Variants in RABEPK observed in about 807,000 individuals in gnomAD.
RABEPK encodes the protein 40 kDa Rab9 effector protein.
In RABEPK, 27 loss-of-function variants were observed where a neutral mutation model predicts 34.1. The ratio of observed to expected loss-of-function variants is 0.79; its 90% confidence interval spans 0.58 to 1.09. The LOEUF is 1.09. Ranked by LOEUF, RABEPK falls within the 50% of genes least tolerant of loss-of-function variation. RABEPK has a pLI of 0.00. For missense variants in RABEPK, 449 were observed against 462.6 expected (o/e 0.97, Z 0.27); for synonymous variants, 172 against 169.2 (o/e 1.02, Z -0.13).
At chr9:125,216,049 T>C (rs1051407179) in intron 4 of RABEPK, among the ~76,000 whole-genome samples, 9 of 152,130 alleles carry the variant, frequency 5.9e-5, no homozygotes, top group South Asian at 2.1e-4. Flanking sequence ...TCCCAGCACT[T>C]TGGGAGGCTG....
At position 125,207,149 on chromosome 9, in the gene RABEPK, C is replaced by T. The variant is rs1588333344; in HGVS notation, c.54-415C>T. Among the ~76,000 whole-genome samples the T allele has an allele frequency of 1.3e-5, 2 of 151,420 alleles. 1 individual carries two copies. Among genetic ancestry groups the T allele is most frequent in the South Asian group, 4.2e-4 (2 of 4,804 alleles). On this transcript the variant is annotated intron_variant, in intron 2 of 7. Coordinates refer to ENST00000373538, the MANE Select transcript of RABEPK (RefSeq NM_005833.4). The stretch of plus-strand genomic sequence containing the variant: ...TTTCACAAATGAGTAAACTAAAGTT[C>T]AGAAAGGTTAAGTGACTTCCAAAAG...
In RABEPK at chr9:125,234,005, T is replaced by C; in HGVS notation, c.*25T>C. The C allele has an allele frequency of 3.3e-6, 5 of 1,534,348 alleles. No individual in the cohort carries two copies. The highest frequency in any genetic ancestry group is 4.5e-6 in the Non-Finnish European group (5 of 1,117,780). On this transcript the variant is annotated 3_prime_UTR_variant, in exon 8 of 8. Transcript: ENST00000373538. ...ATAAAACCCACATTTTTATTACCTG[T>C]CAGTTACTTTCAGAATAGTTAAGTA...
chr9:125,231,506 A>C (rs372719888), intron 6 of RABEPK, among the ~76,000 whole-genome samples: 75 of 152,030 alleles, frequency 4.9e-4, no homozygotes, highest in African/African-American at 1.7e-3. Flanking sequence ...ATTTGTAAGA[A>C]GAAAGGGGAG....
At position 125,228,073 on chromosome 9, in the gene RABEPK, G is replaced by T; in HGVS notation, c.676+14G>T. On this transcript the variant is annotated intron_variant, in intron 6 of 7. Transcript: ENST00000373538. ...GCATTGATATAAGTAAGCAGGGCAT[G>T]GGGGCTTGTCTGTTTAAAATTGTTA... The T allele has an allele frequency of 3.4e-6, 5 of 1,479,522 alleles. No homozygotes were observed. Among genetic ancestry groups the T allele is most frequent in the Non-Finnish European group, 4.5e-6 (5 of 1,107,418 alleles). 91.6% of individuals were successfully genotyped at this position (1,479,522 alleles called of 1,614,324 possible).
chr9:125,230,642 T>G (rs1832101613), intron 6 of RABEPK, among the ~76,000 whole-genome samples: 2 of 151,400 alleles, frequency 1.3e-5, no homozygotes, highest in Non-Finnish European at 2.9e-5. Context: ...TTCATGCCAT[T>G]CTCCTGCCTC....
intron 4 of RABEPK, among the ~76,000 whole-genome samples, chr9:125,218,827 G>C (rs1394309353): frequency 6.6e-6 from 1 of 152,074 alleles, no homozygotes; most frequent in Non-Finnish European, 1.5e-5. Flanking sequence ...TGCAGGCTCA[G>C]TATATCCTCC....
chr9:125,203,789 T>C (rs550594750), intron 2 of RABEPK, among the ~76,000 whole-genome samples: 26 of 152,092 alleles, frequency 1.7e-4, no homozygotes, highest in Admixed American at 1.3e-3. Flanking sequence ...TCCCAGCACT[T>C]TGGGAGGCCA....
intron 1 of RABEPK, among the ~76,000 whole-genome samples, 193 bp downstream of exon 1, chr9:125,201,099 A>G (rs1829879774): frequency 6.6e-6 from 1 of 152,196 alleles, no homozygotes. Context: ...AAACATTCCA[A>G]ATGATTCCTG....
At chr9:125,213,347 G>C (rs1830708341) in intron 3 of RABEPK, 23 bp from the exon 4 acceptor site, 3 of 1,604,702 alleles carry the variant, frequency 1.9e-6, no homozygotes, top group Admixed American at 1.7e-5. Context: ...CCCAATCTAG[G>C]AACTGGGTGA....
intron 6 of RABEPK, among the ~76,000 whole-genome samples, chr9:125,232,243 C>G (rs1297299662): frequency 9.2e-6 from 1 of 108,608 alleles, no homozygotes; most frequent in African/African-American, 3.1e-5. Context: ...CACACACACA[C>G]ACAGAGACAG....
chr9:125,202,966 AATC>A, intron 1 of RABEPK, 39 bp from the exon 2 acceptor site: 1 of 1,526,122 alleles, frequency 6.6e-7, no homozygotes, highest in Non-Finnish European at 9.1e-7. Flanking sequence ...TTAAGATGAT[AATC>A]ATAAGTGTCT....
Position 125,233,816 on chromosome 9 carries a change from C to G in RABEPK, c.955C>G (p.Leu319Val). ...GAAAGAAGATTCCAACTCTCTCACT[C>G]TGAACCATGAAGCTGAGAAAGAGGA... The part of the protein sequence containing the change: ...SEKEDSNSLT[L>V]NHEAEKEDSA... The change falls in exon 8 of 8, where the codon CTG (leucine) becomes GTG (valine). Residue 319 changes from leucine (L) to valine (V), a missense_variant. Coordinates refer to ENST00000373538, the MANE Select transcript of RABEPK (RefSeq NM_005833.4). 6.2e-7 allele frequency: 1 copy of G among 1,614,164 alleles called. No homozygotes were observed. The highest frequency in any genetic ancestry group is 8.5e-7 in the Non-Finnish European group (1 of 1,180,034).
chr9:125,233,721 C>T lies in RABEPK; in HGVS notation c.860C>T (p.Thr287Ile), dbSNP rs780853354. ...EQHWTLLKFD[T>I]LLPPGRLDHS... Reference sequence around the variant, plus strand: ...CATTGGACCTTGCTTAAATTTGATACTCTTCTACCCCCTGGACGATTGGAC... The same window carrying T: ...CATTGGACCTTGCTTAAATTTGATATTCTTCTACCCCCTGGACGATTGGAC... The change falls in exon 8 of 8, where the codon ACT (threonine) becomes ATT (isoleucine). Residue 287 changes from threonine (T) to isoleucine (I), a missense_variant. Transcript: ENST00000373538. The T allele has an allele frequency of 3.2e-5, 51 of 1,613,924 alleles. No homozygotes were observed. The highest frequency in any genetic ancestry group is 5.5e-5 in the South Asian group (5 of 91,082).
rs1830305447 is a variant in RABEPK at position 125,207,609 on chromosome 9, C to T, written c.99C>T (p.Gly33=). 2 of 1,614,100 alleles carry T rather than the reference C, an allele frequency of 1.2e-6. No individual in the cohort carries two copies. Among genetic ancestry groups the T allele is most frequent in the Non-Finnish European group, 1.7e-6 (2 of 1,179,954 alleles). The change falls in exon 3 of 8, where the codon GGC becomes GGT. Residue 33 remains glycine (G), a synonymous_variant. Transcript: ENST00000373538. ...GAGACAGCCCCTGTGCTCGAGTTGG[C>T]CACAGCTGTTCATATTTACCCCCAG... ...VPGDSPCARV[G]HSCSYLPPVG... is the part of the protein sequence containing the mutation.
intron 4 of RABEPK, among the ~76,000 whole-genome samples, chr9:125,218,321 CAA>C (rs71374234): frequency 0.014 from 578 of 41,040 alleles, 6 homozygotes; most frequent in East Asian, 0.11. Flanking sequence ...GACTCCGTCT[CAA>C]AAAAAAAAAA....
chr9:125,225,199 A>G (rs1000961156), intron 5 of RABEPK, among the ~76,000 whole-genome samples: 1 of 152,092 alleles, frequency 6.6e-6, no homozygotes, highest in Non-Finnish European at 1.5e-5. Context: ...AGCCTGGGCA[A>G]CATGGTCAAT....
intron 4 of RABEPK, among the ~76,000 whole-genome samples, chr9:125,216,664 C>T (rs943546199): frequency 2.6e-5 from 4 of 151,834 alleles, no homozygotes; most frequent in Admixed American, 6.6e-5. Context: ...GAACACTGTC[C>T]GAAATAAAGT....
At chr9:125,211,722 C>G (rs1184479702) in intron 3 of RABEPK, among the ~76,000 whole-genome samples, 1 of 152,120 alleles carries the variant, frequency 6.6e-6, no homozygotes, top group Non-Finnish European at 1.5e-5. Context: ...TCCCCCAGCA[C>G]CTTGGGAGGC....
chr9:125,232,490 T>C (rs1832265177), intron 6 of RABEPK, 106 bp from the exon 7 acceptor site: 2 of 1,297,680 alleles, frequency 1.5e-6, no homozygotes, highest in South Asian at 1.6e-5. Flanking sequence ...CTCAGAGCTC[T>C]TGGTGAATGA....
Sources: allele counts gnomAD v4.1 joint callset (sites outside exome capture counted in the v4.1 genomes callset), GRCh38; gene constraint gnomAD v4.1.1; transcripts MANE v1.5; gene names NCBI Gene and HGNC (gene_info 2026-07-23, HGNC 2026-07-21).